PTPRD: variants seen among roughly 807,000 people sequenced by gnomAD.
PTPRD encodes protein tyrosine phosphatase receptor type D, also known as receptor-type tyrosine-protein phosphatase delta.
Under a neutral mutation model 214.5 loss-of-function variants are expected in PTPRD, and 34 were observed. That is an observed-to-expected ratio of 0.16 (90% CI 0.12 to 0.21). The LOEUF (loss-of-function observed/expected upper bound fraction) is 0.21, where lower values mean the gene tolerates loss of function less well. Among genes scored for constraint, PTPRD ranks in the 10% least tolerant of loss-of-function variants. The pLI, the probability that PTPRD is intolerant of heterozygous loss-of-function variation, is 1.00. For missense variants in PTPRD, 2,545 were observed against 2,398.7 expected (o/e 1.06, Z -1.27); for synonymous variants, 1,128 against 845.7 (o/e 1.33, Z -5.79).
chr9:9,711,677 T>G (rs2097733169), intron 7 of PTPRD, among the ~76,000 whole-genome samples: 2 of 152,186 alleles, frequency 1.3e-5, no homozygotes, highest in Non-Finnish European at 2.9e-5. Context: ...ACACTTTTGA[T>G]GATCAGAACT....
intron 10 of PTPRD, among the ~76,000 whole-genome samples, chr9:9,051,388 C>G (rs1483521293): frequency 6.6e-6 from 1 of 152,106 alleles, no homozygotes; most frequent in Non-Finnish European, 1.5e-5. Context: ...GCAGTACAAC[C>G]TATTTATTCA....
intron 9 of PTPRD, among the ~76,000 whole-genome samples, chr9:9,322,141 T>G (rs1966844299): frequency 6.6e-6 from 1 of 152,170 alleles, no homozygotes; most frequent in African/African-American, 2.4e-5. Flanking sequence ...GACATGCTTT[T>G]GAGTTAAATC....
At chr9:8,564,200 C>T (rs2087832460) in intron 14 of PTPRD, among the ~76,000 whole-genome samples, 1 of 152,048 alleles carries the variant, frequency 6.6e-6, no homozygotes, top group Non-Finnish European at 1.5e-5. Flanking sequence ...TAACTGTTAG[C>T]TAATGTAAGT....
intron 2 of PTPRD, among the ~76,000 whole-genome samples, chr9:10,469,944 G>GA (rs534266855): frequency 0.02 from 2,832 of 140,516 alleles, 79 homozygotes; most frequent in South Asian, 0.062. Flanking sequence ...TGTGAGAGCT[G>GA]AAAAAAAAAA....
At chr9:8,532,115 G>C (rs7849357) in intron 14 of PTPRD, among the ~76,000 whole-genome samples, 23,638 of 151,932 alleles carry the variant, frequency 0.16, 1,857 homozygotes, top group South Asian at 0.2. Flanking sequence ...CCTTTGCACA[G>C]AATCTCTTTG....
intron 3 of PTPRD, among the ~76,000 whole-genome samples, chr9:10,276,815 A>C (rs2094719275): frequency 6.6e-6 from 1 of 152,246 alleles, no homozygotes; most frequent in Admixed American, 6.5e-5. Flanking sequence ...TTTAGAGGTG[A>C]GAAAAGCCAA....
intron 6 of PTPRD, among the ~76,000 whole-genome samples, chr9:9,744,018 A>G (rs922245901): frequency 3.3e-5 from 5 of 152,092 alleles, no homozygotes; most frequent in African/African-American, 1.2e-4. Flanking sequence ...CATCTTGATG[A>G]CGTCATTCTA....
intron 3 of PTPRD, among the ~76,000 whole-genome samples, chr9:10,278,087 G>C (rs1267323871): frequency 6.6e-6 from 1 of 151,726 alleles, no homozygotes; most frequent in Non-Finnish European, 1.5e-5. Flanking sequence ...GTGAACTTGG[G>C]AGGTGGAGCG....
intron 7 of PTPRD, among the ~76,000 whole-genome samples, chr9:9,730,681 T>C (rs1464890045): frequency 2.0e-5 from 3 of 152,152 alleles, no homozygotes; most frequent in Non-Finnish European, 4.4e-5. Flanking sequence ...TCAGTATATA[T>C]AGTCTTTAGA....
At chr9:8,506,980 C>A (rs1284755620) in intron 22 of PTPRD, among the ~76,000 whole-genome samples, 1 of 152,186 alleles carries the variant, frequency 6.6e-6, no homozygotes, top group Non-Finnish European at 1.5e-5. Context: ...GTCCTCAAGT[C>A]TCATTGAGTA....
At chr9:9,653,470 T>A (rs1044828708) in intron 7 of PTPRD, among the ~76,000 whole-genome samples, 1 of 151,490 alleles carries the variant, frequency 6.6e-6, no homozygotes, top group Non-Finnish European at 1.5e-5. Context: ...ATGAATATAT[T>A]TTTTTCAAAA....
intron 10 of PTPRD, among the ~76,000 whole-genome samples, chr9:9,146,852 T>C (rs912562846): frequency 6.6e-6 from 1 of 152,162 alleles, no homozygotes; most frequent in African/African-American, 2.4e-5. Flanking sequence ...AGGTGGACCA[T>C]TTCTACTAGT....
chr9:9,504,714 C>G (rs1415387325), intron 8 of PTPRD, among the ~76,000 whole-genome samples: 1 of 151,570 alleles, frequency 6.6e-6, no homozygotes, highest in Non-Finnish European at 1.5e-5. Context: ...ACAAACCTAT[C>G]TCTATTTGTG....
intron 4 of PTPRD, among the ~76,000 whole-genome samples, chr9:9,971,720 T>C (rs1478655178): frequency 6.6e-6 from 1 of 152,180 alleles, no homozygotes; most frequent in Admixed American, 6.5e-5. Flanking sequence ...GCTGCTGTCA[T>C]GATTTATTTA....
intron 3 of PTPRD, among the ~76,000 whole-genome samples, chr9:10,238,320 G>A (rs2099635849): frequency 6.6e-6 from 1 of 151,808 alleles, no homozygotes; most frequent in Non-Finnish European, 1.5e-5. Context: ...AGGACTCTAA[G>A]ACTAGTTTCC....
chr9:10,459,428 G>T (rs1000073371), intron 2 of PTPRD, among the ~76,000 whole-genome samples: 10 of 152,120 alleles, frequency 6.6e-5, no homozygotes, highest in African/African-American at 2.4e-4. Flanking sequence ...TAATGGGATT[G>T]CTGGGTCAAA....
intron 9 of PTPRD, among the ~76,000 whole-genome samples, chr9:9,185,309 C>G (rs1416198593): frequency 6.6e-6 from 1 of 152,080 alleles, no homozygotes; most frequent in Non-Finnish European, 1.5e-5. Flanking sequence ...AAATCTCAGT[C>G]AGCATGCCTC....
chr9:10,609,548 C>A (rs1416231538), intron 2 of PTPRD, among the ~76,000 whole-genome samples: 1 of 152,056 alleles, frequency 6.6e-6, no homozygotes, highest in East Asian at 1.9e-4. Context: ...TTGGATATAA[C>A]TAGCAATATT....
chr9:9,799,677 G>A (rs925589233), intron 5 of PTPRD: 1 of 152,232 alleles, frequency 6.6e-6, no homozygotes, highest in South Asian at 2.1e-4. Context: ...ACAATAAAAA[G>A]GGGGGTAAGC....
Sources: gnomAD v4.1 joint callset for allele counts (sites outside exome capture counted in the v4.1 genomes callset) on GRCh38, gnomAD v4.1.1 for gene constraint, MANE v1.5 for transcripts, NCBI Gene and HGNC (gene_info 2026-07-23, HGNC 2026-07-21) for gene names.